ERC2: variants seen among roughly 807,000 people sequenced by gnomAD.
The protein encoded by ERC2 is ELKS/RAB6-interacting/CAST family member 2.
A neutral mutation model predicts 114.8 loss-of-function variants in ERC2; 42 were observed. That is an observed-to-expected ratio of 0.37 (90% CI 0.29 to 0.47). The LOEUF is 0.47. Ranked by LOEUF, ERC2 falls within the 20% of genes least tolerant of loss-of-function variation. The probability of loss-of-function intolerance (pLI) is 0.99; values close to 1 mark genes in which losing one functional copy is unlikely to be tolerated. For synonymous variants in ERC2, 454 were observed against 425.5 expected (o/e 1.07, Z -0.82); for missense variants, 939 against 1,150.7 (o/e 0.82, Z 2.66).
At chr3:56,049,044 T>C (rs1017243036) in intron 7 of ERC2, among the ~76,000 whole-genome samples, 1 of 152,036 alleles carries the variant, frequency 6.6e-6, no homozygotes, top group African/African-American at 2.4e-5. Context: ...GAGTTCCAAA[T>C]GGCCAAAGGG....
At chr3:55,573,493 T>TGCA (rs1229629076) in intron 17 of ERC2, among the ~76,000 whole-genome samples, 1 of 152,142 alleles carries the variant, frequency 6.6e-6, no homozygotes, top group Admixed American at 6.5e-5. Context: ...TAGTGGGGTC[T>TGCA]GCAGCAGCAG....
At chr3:56,113,078 G>A (rs964731896) in intron 6 of ERC2, among the ~76,000 whole-genome samples, 2 of 152,194 alleles carry the variant, frequency 1.3e-5, no homozygotes, top group African/African-American at 2.4e-5. Flanking sequence ...AATCTAATAG[G>A]TGGGGTGTTA....
intron 5 of ERC2, among the ~76,000 whole-genome samples, chr3:56,143,417 G>A (rs1179920831): frequency 2.6e-5 from 4 of 152,174 alleles, no homozygotes; most frequent in Non-Finnish European, 1.5e-5. Context: ...GACCCAGCAG[G>A]AGGTAATTGA....
At chr3:56,145,191 GA>G (rs1351247453) in intron 5 of ERC2, among the ~76,000 whole-genome samples, 1 of 152,190 alleles carries the variant, frequency 6.6e-6, no homozygotes, top group Non-Finnish European at 1.5e-5. Flanking sequence ...TTACTATCAT[GA>G]AGTTTGGGTT....
Position 55,734,400 on chromosome 3 carries a change from A to G in ERC2, c.2712+371T>C, listed in dbSNP as rs551543606. ...AGGGACCAGAAAATGAGCAAGACGG[A>G]AGGTAACAGGTCCAACAGGAAAGAA... On this transcript the variant is annotated intron_variant, in intron 15 of 17. Coordinates refer to ENST00000288221, the MANE Select transcript of ERC2 (RefSeq NM_015576.3). 1.9e-3 allele frequency among the ~76,000 whole-genome samples: 288 copies of G among 152,340 alleles called. 10 individuals are homozygous for G. The South Asian group carries it at 0.057, about 30-fold the overall frequency.
intron 2 of ERC2, among the ~76,000 whole-genome samples, chr3:56,429,649 A>T (rs1378990520): frequency 6.6e-6 from 1 of 152,252 alleles, no homozygotes; most frequent in Non-Finnish European, 1.5e-5. Context: ...AACTCTTAGT[A>T]GTAGAGCAAA....
chr3:56,127,928 T>C (rs897758596), intron 6 of ERC2, among the ~76,000 whole-genome samples: 3 of 151,896 alleles, frequency 2.0e-5, no homozygotes, highest in African/African-American at 7.2e-5. Context: ...ATAGAAGAAA[T>C]AAATTAGACC....
At chr3:56,338,454 G>A (rs1331243630) in intron 2 of ERC2, among the ~76,000 whole-genome samples, 2 of 152,136 alleles carry the variant, frequency 1.3e-5, no homozygotes, top group Non-Finnish European at 2.9e-5. Context: ...TGGGGGATGA[G>A]AGACAGGAAG....
intron 14 of ERC2, among the ~76,000 whole-genome samples, chr3:55,849,570 G>C (rs758070781): frequency 3.9e-5 from 6 of 152,116 alleles, no homozygotes; most frequent in African/African-American, 1.4e-4. Context: ...AGCTGGCACC[G>C]ACGCAGGAGG....
chr3:55,856,895 T>C (rs1393596321), intron 14 of ERC2, among the ~76,000 whole-genome samples: 1 of 152,232 alleles, frequency 6.6e-6, no homozygotes, highest in Non-Finnish European at 1.5e-5. Context: ...CATTATGCTC[T>C]ATGAAACAAG....
At chr3:56,112,834 A>G (rs1318578109) in intron 6 of ERC2, among the ~76,000 whole-genome samples, 1 of 152,140 alleles carries the variant, frequency 6.6e-6, no homozygotes, top group African/African-American at 2.4e-5. Flanking sequence ...GGAGGTCAAC[A>G]CCACACTCCT....
chr3:56,173,130 T>C (rs932485204), intron 4 of ERC2, among the ~76,000 whole-genome samples: 1 of 152,228 alleles, frequency 6.6e-6, no homozygotes, highest in African/African-American at 2.4e-5. Flanking sequence ...AGGAAAAGAA[T>C]TATTGTAGTT....
At chr3:55,735,125 G>T (rs563767941) in intron 14 of ERC2, among the ~76,000 whole-genome samples, 15 of 152,222 alleles carry the variant, frequency 9.9e-5, no homozygotes, top group African/African-American at 3.6e-4. Flanking sequence ...CAGCCACTGA[G>T]AGAGGAATCT....
intron 2 of ERC2, among the ~76,000 whole-genome samples, chr3:56,352,586 A>C (rs999381926): frequency 1.3e-5 from 2 of 152,210 alleles, no homozygotes; most frequent in Non-Finnish European, 2.9e-5. Context: ...ATTGCTACAT[A>C]AGGATATTAC....
intron 17 of ERC2, among the ~76,000 whole-genome samples, chr3:55,563,426 G>A (rs1346514122): frequency 6.6e-6 from 1 of 151,090 alleles, no homozygotes; most frequent in Non-Finnish European, 1.5e-5. Flanking sequence ...TCACAAGCAT[G>A]AAGAAACTAA....
intron 13 of ERC2, among the ~76,000 whole-genome samples, chr3:55,901,419 C>A (rs1289980691): frequency 6.6e-6 from 1 of 152,180 alleles, no homozygotes; most frequent in Non-Finnish European, 1.5e-5. Flanking sequence ...CTCTTCCAAG[C>A]TCATGGAGTT....
At chr3:55,984,848 C>A (rs1008769199) in intron 12 of ERC2, among the ~76,000 whole-genome samples, 1 of 152,032 alleles carries the variant, frequency 6.6e-6, no homozygotes, top group Admixed American at 6.6e-5. Context: ...CTATGAGCCA[C>A]CAGGATTGGA....
intron 14 of ERC2, among the ~76,000 whole-genome samples, chr3:55,812,481 G>A (rs2059756172): frequency 6.6e-6 from 1 of 152,138 alleles, no homozygotes; most frequent in Non-Finnish European, 1.5e-5. Context: ...CCAGACATTG[G>A]ATTCCAGATT....
At chr3:56,329,645 G>A (rs962785747) in intron 2 of ERC2, among the ~76,000 whole-genome samples, 2 of 152,140 alleles carry the variant, frequency 1.3e-5, no homozygotes, top group African/African-American at 4.8e-5. Flanking sequence ...AGACTGAGAA[G>A]CACTTGTGAA....
Sources: allele counts gnomAD v4.1 joint callset (sites outside exome capture counted in the v4.1 genomes callset), GRCh38; gene constraint gnomAD v4.1.1; transcripts MANE v1.5; gene names NCBI Gene and HGNC (gene_info 2026-07-23, HGNC 2026-07-21).